NOL4L: variants seen among roughly 807,000 people sequenced by gnomAD.
The protein encoded by NOL4L is nucleolar protein 4 like, also known as nucleolar protein 4-like.
A neutral mutation model predicts 64.5 loss-of-function variants in NOL4L; 7 were observed. That is an observed-to-expected ratio of 0.11 (90% CI 0.06 to 0.20). The LOEUF (loss-of-function observed/expected upper bound fraction) is 0.20. NOL4L is among the 10% of genes least tolerant of loss of function. The pLI is 1.00. For synonymous variants in NOL4L, 413 were observed against 401.0 expected (o/e 1.03, Z -0.36); for missense variants, 680 against 967.1 (o/e 0.70, Z 3.94).
At chr20:32,571,107 C>A (rs185367820) in intron 1 of NOL4L, among the ~76,000 whole-genome samples, 2 of 152,166 alleles carry the variant, frequency 1.3e-5, no homozygotes, top group African/African-American at 4.8e-5. Context: ...GGGGAACCAG[C>A]GGGCAGGGAA....
At chr20:32,509,536 A>AG (rs11398796) in intron 4 of NOL4L, among the ~76,000 whole-genome samples, 10,708 of 138,556 alleles carry the variant, frequency 0.077, 527 homozygotes, top group African/African-American at 0.16. Flanking sequence ...AAAAAAAAAA[A>AG]AAAAGAAAAG....
chr20:32,583,903 C>A (rs1451243035), intron 1 of NOL4L, among the ~76,000 whole-genome samples: 11 of 147,368 alleles, frequency 7.5e-5, no homozygotes, highest in Non-Finnish European at 1.1e-4. Flanking sequence ...GAAGGGGGAA[C>A]GAGGGGCCCG....
At chr20:32,535,864 G>T in intron 1 of NOL4L, 1 of 985,498 alleles carries the variant, frequency 1.0e-6, no homozygotes, top group Non-Finnish European at 1.2e-6. Flanking sequence ...GACTTATGAG[G>T]GCTGGAGGGA....
chr20:32,520,042 T>C (rs536086228), intron 3 of NOL4L: 1 of 152,308 alleles, frequency 6.6e-6, no homozygotes, highest in East Asian at 1.9e-4. Context: ...CCCAGCACTT[T>C]GGGAGGCCAA....
intron 1 of NOL4L, among the ~76,000 whole-genome samples, chr20:32,537,352 C>T (rs1163517213): frequency 2.0e-5 from 3 of 152,218 alleles, no homozygotes; most frequent in African/African-American, 7.2e-5. Context: ...GCTGTGGCTC[C>T]GGGGCCTCCT....
At chr20:32,488,817 CTTTCTTTCTT>C (rs746944112) in intron 4 of NOL4L, among the ~76,000 whole-genome samples, 4,134 of 23,346 alleles carry the variant, frequency 0.18, 411 homozygotes, top group Middle Eastern at 0.25. Flanking sequence ...TTCTTTCTTT[CTTTCTTTCTT>C]TTTCTTTCTT....
intron 9 of NOL4L, 30 bp downstream of exon 9, chr20:32,452,854 G>A (rs557090276): frequency 9.3e-6 from 15 of 1,611,682 alleles, no homozygotes; most frequent in Middle Eastern, 1.7e-4. Context: ...GCCCAGGAGC[G>A]GCCCCTGTAG....
rs2012238754 is a variant in NOL4L at position 32,444,202 on chromosome 20, C to A, written c.*3394G>T. 1 of 152,092 alleles carries A rather than the reference C, an allele frequency of 6.6e-6. No individual in the cohort carries two copies. Among genetic ancestry groups the A allele is most frequent in the Non-Finnish European group, 1.5e-5 (1 of 68,018 alleles). The allele number at this position is 152,092 out of a possible 1,614,324, so 9.4% of individuals were successfully genotyped here. A position where few individuals can be genotyped will look rare whatever the true frequency, so the allele number is the denominator to read the frequency against. Reference sequence around the variant, plus strand: ...GGTTCACATTGGTCTTAGGTAGATACAGGCGAAAAAGGATTGAGCTGTTTA... The same window carrying A: ...GGTTCACATTGGTCTTAGGTAGATAAAGGCGAAAAAGGATTGAGCTGTTTA... On this transcript the variant is annotated 3_prime_UTR_variant, in exon 11 of 11. Coordinates refer to ENST00000621426, the MANE Select transcript of NOL4L (RefSeq NM_001256798.2).
At chr20:32,484,841 C>T (rs1472387915) in intron 4 of NOL4L, among the ~76,000 whole-genome samples, 1 of 151,732 alleles carries the variant, frequency 6.6e-6, no homozygotes, top group African/African-American at 2.4e-5. Flanking sequence ...GGGTGGGAGC[C>T]CTGGACCTCC....
intron 1 of NOL4L, among the ~76,000 whole-genome samples, chr20:32,568,513 A>C (rs1979571776): frequency 6.6e-6 from 1 of 151,114 alleles, no homozygotes; most frequent in Non-Finnish European, 1.5e-5. Flanking sequence ...ACTGGACCAG[A>C]CTCACTCCCT....
chr20:32,454,472 A>G (rs2013275075), intron 6 of NOL4L, among the ~76,000 whole-genome samples: 1 of 150,920 alleles, frequency 6.6e-6, no homozygotes, highest in South Asian at 2.1e-4. Flanking sequence ...GAAGGGCTCC[A>G]GCCCTCTGCT....
chr20:32,506,743 G>C (rs930353966), intron 4 of NOL4L, among the ~76,000 whole-genome samples: 6 of 152,288 alleles, frequency 3.9e-5, no homozygotes, highest in Non-Finnish European at 8.8e-5. Context: ...TGACAGCTCT[G>C]TGGCTGCTGT....
intron 1 of NOL4L, among the ~76,000 whole-genome samples, chr20:32,554,648 A>G (rs1978538960): frequency 6.6e-6 from 1 of 152,098 alleles, no homozygotes; most frequent in Non-Finnish European, 1.5e-5. Context: ...CCCCCAGGAA[A>G]TCCTCCTTTT....
chr20:32,485,511 T>C lies in NOL4L; in HGVS notation c.700-10769A>G, dbSNP rs1242734805. The C allele has an allele frequency of 6.6e-5, 19 of 287,880 alleles. No individual in the cohort carries two copies. In the Admixed American group the frequency reaches 7.3e-4, roughly 11 times the overall value. 17.8% of individuals were successfully genotyped at this position (287,880 alleles called of 1,614,324 possible). ...TGCTGTCAATAGAAAACTCACACTT[T>C]CTTTTTAAAAGAGGGTTTAGGCACA... On this transcript the variant is annotated intron_variant, in intron 4 of 10. Coordinates refer to ENST00000621426, the MANE Select transcript of NOL4L (RefSeq NM_001256798.2).
chr20:32,475,325 C>G, intron 4 of NOL4L: 1 of 985,484 alleles, frequency 1.0e-6, no homozygotes, highest in Non-Finnish European at 1.2e-6. Context: ...TGGGCAGCTT[C>G]CAGGGCTGAA....
intron 1 of NOL4L, among the ~76,000 whole-genome samples, chr20:32,545,749 T>TC (rs2018723241): frequency 6.6e-6 from 1 of 152,176 alleles, no homozygotes; most frequent in South Asian, 2.1e-4. Context: ...AGCTGCATTC[T>TC]CCGCTGTCCC....
Position 32,486,726 on chromosome 20 carries a change from C to T in NOL4L, c.700-11984G>A, listed in dbSNP as rs528086684. ...ATGGGGCGATCTGGCAGACACTTCC[C>T]AATCAAGTCATCAAATTCAGCAGCC... is the stretch of plus-strand genomic sequence containing the variant. On this transcript the variant is annotated intron_variant, in intron 4 of 10. Coordinates refer to ENST00000621426, the MANE Select transcript of NOL4L (RefSeq NM_001256798.2). The T allele has an allele frequency of 1.2e-4, 55 of 471,200 alleles. No individual in the cohort carries two copies. The East Asian group carries it at 2.9e-3, about 25-fold the overall frequency. The allele number at this position is 471,200 out of a possible 1,614,324, so 29.2% of individuals were successfully genotyped here. A position where few individuals can be genotyped will look rare whatever the true frequency, so the allele number is the denominator to read the frequency against.
intron 1 of NOL4L, among the ~76,000 whole-genome samples, chr20:32,554,321 A>G (rs1978510758): frequency 1.7e-5 from 1 of 58,734 alleles, no homozygotes; most frequent in African/African-American, 1.6e-4. Flanking sequence ...ACTCTGCCTC[A>G]AAAAAAAAAA....
chr20:32,445,146 C>T lies in NOL4L; in HGVS notation c.*2450G>A, dbSNP rs1000799192. 2 of 152,256 alleles carry T rather than the reference C, an allele frequency of 1.3e-5. No individual in the cohort carries two copies. Among genetic ancestry groups the T allele is most frequent in the African/African-American group, 4.8e-5 (2 of 41,462 alleles). 9.4% of individuals were successfully genotyped at this position (152,256 alleles called of 1,614,324 possible). A position where few individuals can be genotyped will look rare whatever the true frequency, so the allele number is the denominator to read the frequency against. On this transcript the variant is annotated 3_prime_UTR_variant, in exon 11 of 11. Coordinates refer to ENST00000621426, the MANE Select transcript of NOL4L (RefSeq NM_001256798.2). ...TGGGAGGCCCAATGGACTTTAACAA[C>T]ATATTCTTTCCTTTCTCTTGAAAAC...
Sources: gnomAD v4.1 joint callset for allele counts (sites outside exome capture counted in the v4.1 genomes callset) on GRCh38, gnomAD v4.1.1 for gene constraint, MANE v1.5 for transcripts, NCBI Gene and HGNC (gene_info 2026-07-23, HGNC 2026-07-21) for gene names.